The following ZFHX3 variants were observed in gnomAD, a reference collection of about 807,000 sequenced individuals.
The protein encoded by ZFHX3 is zinc finger homeobox protein 3.
ZFHX3 carries 42 observed loss-of-function variants against 279.1 expected under a neutral mutation model. That is an observed-to-expected ratio of 0.15 (90% CI 0.12 to 0.19). The LOEUF (loss-of-function observed/expected upper bound fraction) is 0.19, where lower values mean the gene tolerates loss of function less well. Among genes scored for constraint, ZFHX3 ranks in the 10% least tolerant of loss-of-function variants. The pLI is 1.00. For synonymous variants in ZFHX3, 2,293 were observed against 1,957.8 expected, an observed-to-expected ratio of 1.17 and a Z score of -4.52; for missense variants, 4,981 against 4,754.0, an observed-to-expected ratio of 1.05 and a Z score of -1.40.
intron 5 of ZFHX3, among the ~76,000 whole-genome samples, chr16:73,214,675 T>G (rs576679740): frequency 6.6e-6 from 1 of 152,212 alleles, no homozygotes; most frequent in East Asian, 1.9e-4. Context: ...TCAGTTATGA[T>G]ACACCTGAGT....
intron 3 of ZFHX3, among the ~76,000 whole-genome samples, chr16:72,917,651 G>A (rs1242671579): frequency 6.6e-6 from 1 of 152,116 alleles, no homozygotes; most frequent in Non-Finnish European, 1.5e-5. Context: ...GATACACACA[G>A]TATCATTTCA....
chr16:72,869,082 C>T (rs2038090318), intron 4 of ZFHX3, among the ~76,000 whole-genome samples: 1 of 152,174 alleles, frequency 6.6e-6, no homozygotes, highest in South Asian at 2.1e-4. Flanking sequence ...TCATTCATTT[C>T]CTTCAGATAA....
At chr16:72,873,682 A>C (rs1360789324) in intron 4 of ZFHX3, among the ~76,000 whole-genome samples, 2 of 152,220 alleles carry the variant, frequency 1.3e-5, no homozygotes, top group Admixed American at 1.3e-4. Flanking sequence ...ATTGTCAAAA[A>C]TCTTGAAAAC....
intron 1 of ZFHX3, among the ~76,000 whole-genome samples, chr16:73,860,822 C>T (rs1010373774): frequency 6.6e-6 from 1 of 152,120 alleles, no homozygotes; most frequent in African/African-American, 2.4e-5. Flanking sequence ...AAAGCCTCAA[C>T]AACAAGTGTC....
chr16:73,097,231 A>ATTTTTTTTT (rs376018253), intron 7 of ZFHX3, among the ~76,000 whole-genome samples: 119 of 126,690 alleles, frequency 9.4e-4, no homozygotes, highest in African/African-American at 3.7e-3. Context: ...GCTAATTTTA[A>ATTTTTTTTT]TTTTTTTTTT....
intron 5 of ZFHX3, among the ~76,000 whole-genome samples, chr16:73,220,309 A>G (rs537038338): frequency 2.0e-5 from 3 of 152,248 alleles, no homozygotes; most frequent in East Asian, 1.9e-4. Flanking sequence ...CAATACTTTC[A>G]TGCAACAAAT....
chr16:73,061,587 T>A (rs1965685631), upstream of ZFHX3: 1 of 152,116 alleles, frequency 6.6e-6, no homozygotes, highest in Non-Finnish European at 1.5e-5. Flanking sequence ...GTGTAAAATG[T>A]AGCTGACTGA....
rs556589710 is a variant in ZFHX3 at position 73,621,462 on chromosome 16, G to A, written c.-1547+58718C>T. On this transcript the variant is annotated intron_variant, in intron 2 of 17. Coordinates refer to the ZFHX3 transcript ENST00000641206. ...AGGTCAAATCTCCCAAGCCATAGCAGAGGATGGATTTAGGTCAGTTGAAAC... is the reference window on the plus strand; with the variant it reads ...AGGTCAAATCTCCCAAGCCATAGCAAAGGATGGATTTAGGTCAGTTGAAAC... Among the ~76,000 whole-genome samples, 63 of 152,326 alleles carry A rather than the reference G, an allele frequency of 4.1e-4. 1 individual carries two copies. In the South Asian group the frequency reaches 6.4e-3, roughly 16 times the overall value.
chr16:73,429,219 G>A (rs2017866672), intron 3 of ZFHX3, among the ~76,000 whole-genome samples: 1 of 152,156 alleles, frequency 6.6e-6, no homozygotes, highest in African/African-American at 2.4e-5. Flanking sequence ...AGCAAAGTAG[G>A]TAAAGTAAGC....
intron 3 of ZFHX3, among the ~76,000 whole-genome samples, chr16:73,414,155 T>C (rs2017525405): frequency 6.6e-6 from 1 of 152,240 alleles, no homozygotes. Context: ...AAGTAGTATA[T>C]AAACTTAAGG....
intron 1 of ZFHX3, among the ~76,000 whole-genome samples, chr16:73,866,135 T>C (rs1962013269): frequency 6.8e-6 from 1 of 147,636 alleles, no homozygotes; most frequent in Non-Finnish European, 1.5e-5. Flanking sequence ...ACCAAGTAGC[T>C]GGGACTACAG....
chr16:73,457,983 T>C (rs1463321362), intron 2 of ZFHX3, among the ~76,000 whole-genome samples: 2 of 152,108 alleles, frequency 1.3e-5, no homozygotes, highest in Non-Finnish European at 2.9e-5. Context: ...GTTTAACAGA[T>C]TCTCCAGCAC....
Position 72,957,102 on chromosome 16 carries a change from G to C in ZFHX3, c.2719+325C>G, listed in dbSNP as rs866717348. ...TCGATGAAACCCCAAAGTTTTAGGT[G>C]ATTATAGTGATTTTTCAAATTGAAA... On this transcript the variant is annotated intron_variant, in intron 2 of 9. Transcript: ENST00000268489. 1.4e-4 allele frequency among the ~76,000 whole-genome samples: 22 copies of C among 152,268 alleles called. 1 individual carries two copies. Among genetic ancestry groups the C allele is most frequent in the Middle Eastern group, 6.8e-3 (2 of 294 alleles).
rs544567273 is a variant in ZFHX3 at position 73,410,562 on chromosome 16, T to C, written c.-1291+45441A>G. 6.6e-5 allele frequency among the ~76,000 whole-genome samples: 10 copies of C among 152,350 alleles called. 1 individual carries two copies. The highest frequency in any genetic ancestry group is 2.4e-4 in the African/African-American group (10 of 41,578). On this transcript the variant is annotated intron_variant, in intron 3 of 17. Transcript: ENST00000641206. Reference sequence around the variant, plus strand: ...CATTGTATGCCTGTATAAAAGTGTCTTATGTACCCCAAAAATATATATATA... The same window carrying C: ...CATTGTATGCCTGTATAAAAGTGTCCTATGTACCCCAAAAATATATATATA...
intron 5 of ZFHX3, among the ~76,000 whole-genome samples, chr16:73,184,827 G>T (rs546963030): frequency 1.3e-5 from 2 of 152,190 alleles, no homozygotes; most frequent in Non-Finnish European, 2.9e-5. Context: ...ATGAAATTCA[G>T]AGTGAATTTC....
At chr16:73,183,507 G>T (rs60351268) in intron 5 of ZFHX3, among the ~76,000 whole-genome samples, 1 of 152,122 alleles carries the variant, frequency 6.6e-6, no homozygotes, top group Non-Finnish European at 1.5e-5. Flanking sequence ...CCCCCTGAAG[G>T]GGTCCATCCA....
intron 3 of ZFHX3, among the ~76,000 whole-genome samples, chr16:73,442,975 C>T (rs1023583885): frequency 1.3e-5 from 2 of 152,158 alleles, no homozygotes; most frequent in East Asian, 1.9e-4. Flanking sequence ...TGTCCAATTT[C>T]CTCTTCTTCT....
At chr16:73,026,554 C>T (rs1964508112) in intron 1 of ZFHX3, among the ~76,000 whole-genome samples, 1 of 151,522 alleles carries the variant, frequency 6.6e-6, no homozygotes, top group African/African-American at 2.4e-5. Context: ...ACCTGTAATC[C>T]CAGCTACTTG....
At chr16:73,875,081 A>C (rs1032579982) in intron 1 of ZFHX3, among the ~76,000 whole-genome samples, 1 of 152,214 alleles carries the variant, frequency 6.6e-6, no homozygotes, top group Admixed American at 6.5e-5. Flanking sequence ...CTCTGAATAC[A>C]TTAAGGCAGT....
Sources: gnomAD v4.1 joint callset for allele counts (sites outside exome capture counted in the v4.1 genomes callset) on GRCh38, gnomAD v4.1.1 for gene constraint, MANE v1.5 for transcripts, NCBI Gene and HGNC (gene_info 2026-07-23, HGNC 2026-07-21) for gene names.